Variants in TOP6BL observed in about 807,000 individuals in gnomAD.
The protein encoded by TOP6BL is TOP6B like initiator of meiotic double strand breaks.
the TOP6BL span, among the ~76,000 whole-genome samples, chr11:66,803,460 G>T: frequency 2.0e-5 from 3 of 152,022 alleles, no homozygotes; most frequent in South Asian, 6.2e-4. Flanking sequence ...ACAAAGTCTC[G>T]CTCTGTTGCT....
chr11:66,827,992 AAGAG>A, the TOP6BL span, among the ~76,000 whole-genome samples: 2 of 150,102 alleles, frequency 1.3e-5, no homozygotes, highest in African/African-American at 4.9e-5. Flanking sequence ...AAAAAAAAAA[AAGAG>A]AGATGGGAAA....
chr11:66,780,109 T>A, the TOP6BL span, among the ~76,000 whole-genome samples: 1 of 151,796 alleles, frequency 6.6e-6, no homozygotes, highest in African/African-American at 2.4e-5. Context: ...TGTATACATA[T>A]GTAACAAACC....
the TOP6BL span, among the ~76,000 whole-genome samples, chr11:66,746,578 GTGGCACA>G: frequency 1.3e-5 from 2 of 152,176 alleles, no homozygotes; most frequent in Non-Finnish European, 2.9e-5. Context: ...GCCAGGTGTG[GTGGCACA>G]TGCCTGTAAT....
At chr11:66,772,696 G>T in the TOP6BL span, among the ~76,000 whole-genome samples, 1 of 152,190 alleles carries the variant, frequency 6.6e-6, no homozygotes, top group Non-Finnish European at 1.5e-5. Context: ...GCTGAACCTG[G>T]AAGGTGGAGG....
At chr11:66,843,082 G>T in the TOP6BL span, 1 of 1,581,726 alleles carries the variant, frequency 6.3e-7, no homozygotes, top group East Asian at 2.3e-5. Flanking sequence ...AACTGGGCGA[G>T]GGCCGCGCAG....
chr11:66,768,726 C>G, the TOP6BL span, among the ~76,000 whole-genome samples: 3 of 131,650 alleles, frequency 2.3e-5, no homozygotes, highest in African/African-American at 8.6e-5. Flanking sequence ...TTACATTTAT[C>G]TAATTGCACT....
At chr11:66,839,037 C>T in the TOP6BL span, 9 of 437,442 alleles carry the variant, frequency 2.1e-5, no homozygotes, top group South Asian at 1.4e-4. Flanking sequence ...GGCCTGGCAC[C>T]ATGTCACTCT....
At chr11:66,821,629 C>T in the TOP6BL span, 3 of 1,591,108 alleles carry the variant, frequency 1.9e-6, no homozygotes, top group South Asian at 3.4e-5. Context: ...ATTTTACCTT[C>T]TCCCTCCCCT....
the TOP6BL span, chr11:66,843,088 C>A: frequency 6.3e-7 from 1 of 1,585,914 alleles, no homozygotes. Context: ...GCGAGGGCCG[C>A]GCAGGGAAGG....
At chr11:66,765,048 C>T in the TOP6BL span, among the ~76,000 whole-genome samples, 1 of 152,156 alleles carries the variant, frequency 6.6e-6, no homozygotes, top group Non-Finnish European at 1.5e-5. Flanking sequence ...AATAAACCCA[C>T]ACTTAATGTG....
chr11:66,843,295 G>A, the TOP6BL span: 1 of 1,579,760 alleles, frequency 6.3e-7, no homozygotes, highest in Admixed American at 1.8e-5. Flanking sequence ...GTTATCCCGT[G>A]GTTTAATAAA....
chr11:66,832,826 A>C, the TOP6BL span, among the ~76,000 whole-genome samples: 1 of 152,110 alleles, frequency 6.6e-6, no homozygotes, highest in Non-Finnish European at 1.5e-5. Flanking sequence ...GAACAATCCA[A>C]ATTTATTGTG....
the TOP6BL span, among the ~76,000 whole-genome samples, chr11:66,825,066 G>A: frequency 6.6e-6 from 1 of 151,778 alleles, no homozygotes; most frequent in Admixed American, 6.6e-5. Flanking sequence ...GTTTCTCCAT[G>A]TTGGTCAGGC....
the TOP6BL span, among the ~76,000 whole-genome samples, chr11:66,821,373 C>T: frequency 2.1e-4 from 32 of 151,536 alleles, no homozygotes; most frequent in African/African-American, 7.8e-4. Flanking sequence ...CTGCAAGCTC[C>T]GCCTCCCGGG....
the TOP6BL span, among the ~76,000 whole-genome samples, chr11:66,789,223 G>A: frequency 6.6e-6 from 1 of 152,138 alleles, no homozygotes; most frequent in Non-Finnish European, 1.5e-5. Context: ...AATTAAAAGT[G>A]ACTCCCAGTG....
At chr11:66,810,308 C>G in the TOP6BL span, among the ~76,000 whole-genome samples, 215 of 152,054 alleles carry the variant, frequency 1.4e-3, 2 homozygotes, top group African/African-American at 5.0e-3. Flanking sequence ...CTGAATCTAC[C>G]CAAAAAAGGA....
At chr11:66,751,437 C>T in the TOP6BL span, among the ~76,000 whole-genome samples, 1 of 152,018 alleles carries the variant, frequency 6.6e-6, no homozygotes, top group Admixed American at 6.6e-5. Context: ...TCGTGATCCA[C>T]CCACCTCAGC....
chr11:66,800,556 C>A, the TOP6BL span: 1 of 1,064,406 alleles, frequency 9.4e-7, no homozygotes, highest in South Asian at 1.6e-5. Context: ...TAAGCTTATT[C>A]TTTTCCTTTA....
chr11:66,761,781 T>C, the TOP6BL span: 1 of 799,674 alleles, frequency 1.3e-6, no homozygotes, highest in Non-Finnish European at 2.2e-6. Context: ...TCAAACTCGC[T>C]GGTGGACCAA....
Sources: gnomAD v4.1 joint callset for allele counts (sites outside exome capture counted in the v4.1 genomes callset) on GRCh38, gnomAD v4.1.1 for gene constraint, MANE v1.5 for transcripts, NCBI Gene and HGNC (gene_info 2026-07-23, HGNC 2026-07-21) for gene names.